FXR2: variants seen among roughly 807,000 people sequenced by gnomAD.
The protein encoded by FXR2 is FMR1 autosomal homolog 2.
Under a neutral mutation model 87.3 loss-of-function variants are expected in FXR2, and 9 were observed. The observed-to-expected ratio is 0.10, with a 90% CI of 0.06 to 0.18. FXR2 has a LOEUF of 0.18. Among genes scored for constraint, FXR2 ranks in the 10% least tolerant of loss-of-function variants. The pLI is 1.00. For synonymous variants in FXR2, 331 were observed against 328.3 expected, an observed-to-expected ratio of 1.01 and a Z score of -0.09; for missense variants, 661 against 893.6, an observed-to-expected ratio of 0.74 and a Z score of 3.32.
Position 7,591,751 on chromosome 17 carries a change from G to A in FXR2, c.*79C>T, listed in dbSNP as rs1026294308. The A allele has an allele frequency of 8.6e-6, 7 of 815,424 alleles. No homozygotes were observed. Among genetic ancestry groups the A allele is most frequent in the African/African-American group, 1.7e-5 (1 of 59,560 alleles). 50.5% of individuals were successfully genotyped at this position (815,424 alleles called of 1,614,324 possible). ...CCCCCTAGATAAGAGCAGCTCCAGC[G>A]CAGGTCAGTTGGGCCTGTGAGGGCC... On this transcript the variant is annotated 3_prime_UTR_variant, in exon 17 of 17. Coordinates refer to ENST00000250113, the MANE Select transcript of FXR2 (RefSeq NM_004860.4). This position sits in a 1 kb window ranked among gnomAD's most constrained non-coding sequence, Gnocchi z 4.0.
rs1348295527 is a variant in FXR2 at position 7,603,740 on chromosome 17, C to G, written c.449+17G>C. 1 of 1,613,100 alleles carries G rather than the reference C, an allele frequency of 6.2e-7. No homozygotes were observed. Among genetic ancestry groups the G allele is most frequent in the Middle Eastern group, 1.7e-4 (1 of 6,000 alleles). The stretch of plus-strand genomic sequence containing the variant: ...GCTGTAAAGAGGGCCCTCATTCCCA[C>G]CATCCTTAACACTCACGCTTCTCTC... On this transcript the variant is annotated intron_variant, in intron 5 of 16. Coordinates refer to ENST00000250113, the MANE Select transcript of FXR2 (RefSeq NM_004860.4).
At chr17:7,602,833 T>C in intron 6 of FXR2, 76 bp downstream of exon 6, 1 of 741,232 alleles carries the variant, frequency 1.3e-6, no homozygotes, top group Non-Finnish European at 2.4e-6. Context: ...CCCTTCTCTT[T>C]CTGCAAAAGG....
At chr17:7,599,536 G>A (rs1037744344) in intron 7 of FXR2, among the ~76,000 whole-genome samples, 3 of 152,068 alleles carry the variant, frequency 2.0e-5, no homozygotes, top group Non-Finnish European at 4.4e-5. Context: ...CAACGAAAGG[G>A]AATCTGACAA....
In FXR2 at chr17:7,606,089, G is replaced by C. The variant is rs1390422328; in HGVS notation, c.134+8C>G. The C allele has an allele frequency of 1.3e-6, 2 of 1,509,188 alleles. No homozygotes were observed. Among genetic ancestry groups the C allele is most frequent in the Admixed American group, 3.9e-5 (2 of 50,758 alleles). 93.5% of individuals were successfully genotyped at this position (1,509,188 alleles called of 1,614,324 possible). A position where few individuals can be genotyped will look rare whatever the true frequency, so the allele number is the denominator to read the frequency against. On this transcript the variant is annotated splice_region_variant and intron_variant, in intron 2 of 16. Transcript: ENST00000250113. Reference sequence around the variant, plus strand: ...AGTATGCTGGATTCTCTATTCCCAAGGTCTTACTTGTTTTCAAAGAAGATG... The same window carrying C: ...AGTATGCTGGATTCTCTATTCCCAACGTCTTACTTGTTTTCAAAGAAGATG...
chr17:7,591,915 A>G lies in FXR2; in HGVS notation c.1937T>C (p.Val646Ala). 1 of 1,589,848 alleles carries G rather than the reference A, an allele frequency of 6.3e-7. No individual in the cohort carries two copies. Residue 646 changes from valine (V) to alanine (A), a missense_variant, in exon 17 of 17, where the codon GTC becomes GCC. Transcript: ENST00000250113. This position sits in a 1 kb window ranked among gnomAD's most constrained non-coding sequence, Gnocchi z 4.0. ...DSLSGQKGDS[V>A]SKLPKGPSEN... The stretch of plus-strand genomic sequence containing the variant: ...CGAGGGGCCCTTAGGAAGCTTGCTG[A>G]CAGAGTCACCCTGAGGGGAAAGTGG...
chr17:7,602,725 G>T, intron 6 of FXR2, 184 bp downstream of exon 6: 1 of 512,598 alleles, frequency 2.0e-6, no homozygotes, highest in South Asian at 2.4e-5. Flanking sequence ...GTGAGACTTC[G>T]TCTCAAAAAA....
At chr17:7,612,848 T>C (rs973484238) in intron 1 of FXR2, among the ~76,000 whole-genome samples, 16 of 151,390 alleles carry the variant, frequency 1.1e-4, no homozygotes, top group South Asian at 4.2e-4. Context: ...TACAAAAAAA[T>C]AGCCGGGCAT....
At chr17:7,614,035 T>C (rs1412672056) in intron 1 of FXR2, 4 of 462,458 alleles carry the variant, frequency 8.6e-6, no homozygotes, top group Non-Finnish European at 1.7e-5. Context: ...ACAGAGGGCC[T>C]TCCCAAAGGG....
chr17:7,609,961 T>TGTATACATATAC (rs2071841194), intron 1 of FXR2, among the ~76,000 whole-genome samples: 2 of 109,464 alleles, frequency 1.8e-5, no homozygotes, highest in Non-Finnish European at 4.6e-5. Context: ...TATACATATA[T>TGTATACATATAC]ATACATGTAT....
In FXR2 at chr17:7,591,796, G is replaced by C; in HGVS notation, c.*34C>G. On this transcript the variant is annotated 3_prime_UTR_variant, in exon 17 of 17. Coordinates refer to ENST00000250113, the MANE Select transcript of FXR2 (RefSeq NM_004860.4). The surrounding 1 kb of genome is among the most constrained non-coding windows in gnomAD (Gnocchi z 4.0). ...AGGGCCATGGTGTTGGGCAGCAAGC[G>C]AGATGGAGAAGGGAGGGGTGCAGGT... 1 of 1,106,704 alleles carries C rather than the reference G, an allele frequency of 9.0e-7. No homozygotes were observed. The highest frequency in any genetic ancestry group is 1.4e-6 in the Non-Finnish European group (1 of 717,280). 68.6% of individuals were successfully genotyped at this position (1,106,704 alleles called of 1,614,324 possible).
Position 7,595,799 on chromosome 17 carries a change from C to T in FXR2, c.831+25G>A, listed in dbSNP as rs200914751. 4 of 1,601,296 alleles carry T rather than the reference C, an allele frequency of 2.5e-6. No individual in the cohort carries two copies. The African/African-American group carries it at 5.4e-5, about 21-fold the overall frequency. On this transcript the variant is annotated intron_variant, in intron 8 of 16. Coordinates refer to ENST00000250113, the MANE Select transcript of FXR2 (RefSeq NM_004860.4). This position sits in a 1 kb window ranked among gnomAD's most constrained non-coding sequence, Gnocchi z 4.7. ...TCTTCCCTCTATCCCCTAAGAGACCCAGAAGAAAGACATCCTTTGCTGACC... is the reference window on the plus strand; with the variant it reads ...TCTTCCCTCTATCCCCTAAGAGACCTAGAAGAAAGACATCCTTTGCTGACC...
Position 7,592,657 on chromosome 17 carries a change from C to T in FXR2, c.1729+37G>A. 3 of 1,612,640 alleles carry T rather than the reference C, an allele frequency of 1.9e-6. No homozygotes were observed. In the South Asian group the frequency reaches 3.3e-5, roughly 18 times the overall value. ...CCAACCTCCCACCCTCGATTCCTAC[C>T]CATCTCTAACTTTCCAGACCCCAGG... On this transcript the variant is annotated intron_variant, in intron 14 of 16. Coordinates refer to ENST00000250113, the MANE Select transcript of FXR2 (RefSeq NM_004860.4). This position sits in a 1 kb window ranked among gnomAD's most constrained non-coding sequence, Gnocchi z 4.8.
At chr17:7,606,390 C>A (rs571953236) in intron 1 of FXR2, among the ~76,000 whole-genome samples, 1 of 152,298 alleles carries the variant, frequency 6.6e-6, no homozygotes, top group Non-Finnish European at 1.5e-5. Flanking sequence ...AGCCTGGAAA[C>A]CAATGATCTA....
chr17:7,601,648 AC>A, intron 6 of FXR2, 123 bp from the exon 7 acceptor site: 3 of 654,886 alleles, frequency 4.6e-6, no homozygotes. Context: ...AAGCTAGGAG[AC>A]CGGGCGCGGT....
At chr17:7,609,903 C>CAT (rs1022061288) in intron 1 of FXR2, among the ~76,000 whole-genome samples, 4 of 132,284 alleles carry the variant, frequency 3.0e-5, no homozygotes, top group Non-Finnish European at 6.3e-5. Context: ...TATACACATA[C>CAT]ATATATATGT....
intron 3 of FXR2, among the ~76,000 whole-genome samples, chr17:7,604,788 C>G (rs904075899): frequency 6.8e-6 from 1 of 147,660 alleles, no homozygotes; most frequent in African/African-American, 2.5e-5. Context: ...ATGGCACAAT[C>G]TCAGCTCACT....
rs1201395730 is a variant in FXR2 at position 7,608,429 on chromosome 17, TA to T, written c.82-2281del. On this transcript the variant is annotated intron_variant, in intron 1 of 16. Coordinates refer to ENST00000250113, the MANE Select transcript of FXR2 (RefSeq NM_004860.4). ...CAATATGGCAAAATCCCATTGCTAC[TA>T]AAAAAAAAAAAAAATAATAATAATA... Among the ~76,000 whole-genome samples, 119 of 146,132 alleles carry T rather than the reference TA, an allele frequency of 8.1e-4. 3 individuals carry two copies. In the East Asian group the frequency reaches 0.012, roughly 14 times the overall value.
Position 7,593,713 on chromosome 17 carries a change from T to C in FXR2, c.1108-88A>G. 4 of 961,292 alleles carry C rather than the reference T, an allele frequency of 4.2e-6. No individual in the cohort carries two copies. The highest frequency in any genetic ancestry group is 2.1e-4 in the Middle Eastern group (1 of 4,838). 59.5% of individuals were successfully genotyped at this position (961,292 alleles called of 1,614,324 possible). ...TCTGCACCCTGACTGTCCCTCTATA[T>C]CTAACCTCTCAGGAATGCAGGGAGA... On this transcript the variant is annotated intron_variant, in intron 11 of 16. Transcript: ENST00000250113. This position sits in a 1 kb window ranked among gnomAD's most constrained non-coding sequence, Gnocchi z 6.1.
In FXR2 at chr17:7,593,003, A is replaced by G; in HGVS notation, c.1509T>C (p.Asn503=). The part of the protein sequence containing the change: ...PPAPRPTSRY[N]SSSISSVLKD... Reference sequence around the variant, plus strand: ...TGGTACCTGAGCTAATAGATGAAGAATTGTATCTCGAAGTGGGCCGGGGGG... The same window carrying G: ...TGGTACCTGAGCTAATAGATGAAGAGTTGTATCTCGAAGTGGGCCGGGGGG... The change falls in exon 13 of 17, where the codon AAT becomes AAC. Residue 503 remains asparagine (N), a synonymous_variant. Coordinates refer to ENST00000250113, the MANE Select transcript of FXR2 (RefSeq NM_004860.4). The surrounding 1 kb of genome is among the most constrained non-coding windows in gnomAD (Gnocchi z 6.1). 6.4e-7 allele frequency: 1 copy of G among 1,573,832 alleles called. No homozygotes were observed. Among genetic ancestry groups the G allele is most frequent in the Non-Finnish European group, 8.6e-7 (1 of 1,162,228 alleles).
Sources: gnomAD v4.1 joint callset for allele counts (sites outside exome capture counted in the v4.1 genomes callset) on GRCh38, gnomAD v4.1.1 for gene constraint, Gnocchi (gnomAD v3.1) non-coding constraint, MANE v1.5 for transcripts, NCBI Gene and HGNC (gene_info 2026-07-23, HGNC 2026-07-21) for gene names.